LARGE1: variants seen among roughly 807,000 people sequenced by gnomAD.
The protein encoded by LARGE1 is xylosyl- and glucuronyltransferase LARGE1.
LARGE1 carries 43 observed loss-of-function variants against 87.6 expected under a neutral mutation model. The ratio of observed to expected loss-of-function variants is 0.49; its 90% CI spans 0.38 to 0.63. The LOEUF (loss-of-function observed/expected upper bound fraction) is 0.63. Among genes scored for constraint, LARGE1 ranks in the 30% least tolerant of loss-of-function variants. LARGE1 has a pLI of 0.00. For synonymous variants in LARGE1, 434 were observed against 394.6 expected, an observed-to-expected ratio of 1.10 and a Z score of -1.18; for missense variants, 802 against 1,000.2, an observed-to-expected ratio of 0.80 and a Z score of 2.67.
At chr22:33,736,745 C>T (rs1370949735) in intron 2 of LARGE1, among the ~76,000 whole-genome samples, 1 of 152,152 alleles carries the variant, frequency 6.6e-6, no homozygotes, top group Admixed American at 6.5e-5. Flanking sequence ...ATGTTTCCTT[C>T]TAAGAATCTC....
At chr22:33,342,723 C>A (rs117902709) in intron 9 of LARGE1, among the ~76,000 whole-genome samples, 3,412 of 152,262 alleles carry the variant, frequency 0.022, 54 homozygotes, top group Non-Finnish European at 0.033. Flanking sequence ...CAAGCCTCAT[C>A]CCGCTCTGCA....
the LARGE1 span, among the ~76,000 whole-genome samples, chr22:33,103,524 C>T: frequency 1.3e-5 from 2 of 148,812 alleles, no homozygotes; most frequent in African/African-American, 4.9e-5. Flanking sequence ...AAGTGTTTCT[C>T]AGGTTGGTCA....
intron 5 of LARGE1, among the ~76,000 whole-genome samples, chr22:33,591,655 G>A (rs1318029241): frequency 6.6e-6 from 1 of 151,700 alleles, no homozygotes; most frequent in African/African-American, 2.4e-5. Context: ...CCTCAACTTC[G>A]ATGAAGTCCA....
At chr22:33,429,188 CAT>C (rs1259934031) in intron 7 of LARGE1, among the ~76,000 whole-genome samples, 2 of 152,120 alleles carry the variant, frequency 1.3e-5, no homozygotes, top group Non-Finnish European at 2.9e-5. Context: ...TGAGAATCTA[CAT>C]GTCTGGATGA....
intron 1 of LARGE1, among the ~76,000 whole-genome samples, chr22:33,792,213 A>AATCC (rs1193856471): frequency 1.3e-5 from 2 of 152,320 alleles, no homozygotes; most frequent in Admixed American, 6.5e-5. Context: ...TAGTTCCCAT[A>AATCC]ATCCCCACAT....
At chr22:33,089,388 CTCT>C in the LARGE1 span, among the ~76,000 whole-genome samples, 985 of 66,326 alleles carry the variant, frequency 0.015, 14 homozygotes, top group Middle Eastern at 0.064. Flanking sequence ...CTTCTTCTTC[CTCT>C]TCTTCTTCTT....
At chr22:33,436,843 G>T (rs540549528) in intron 6 of LARGE1, among the ~76,000 whole-genome samples, 1 of 152,256 alleles carries the variant, frequency 6.6e-6, no homozygotes, top group African/African-American at 2.4e-5. Flanking sequence ...TACTTCTTGG[G>T]ATAGCTGAGC....
At chr22:33,888,521 T>C (rs1480925395) in intron 1 of LARGE1, among the ~76,000 whole-genome samples, 2 of 152,128 alleles carry the variant, frequency 1.3e-5, no homozygotes, top group African/African-American at 2.4e-5. Context: ...GTGGGTAACA[T>C]TTATGGAGCC....
chr22:33,188,865 T>C (rs1279740137), intron 11 of LARGE1, among the ~76,000 whole-genome samples: 3 of 151,950 alleles, frequency 2.0e-5, no homozygotes, highest in African/African-American at 7.3e-5. Context: ...TTGCAGGAGG[T>C]TGTGGGACAA....
At position 33,442,557 on chromosome 22, in the gene LARGE1, C is replaced by T. The variant is rs555535007; in HGVS notation, c.788-10292G>A. On this transcript the variant is annotated intron_variant, in intron 6 of 14. Transcript: ENST00000397394. ...TGTGGGAAGGGGGATTTCTGTACTG[C>T]GCAGAAGACTAGGTTTGAAGACCTC... Among the ~76,000 whole-genome samples the T allele has an allele frequency of 1.1e-4, 17 of 152,226 alleles. No individual in the cohort carries two copies. In the South Asian group the frequency reaches 2.5e-3, roughly 22 times the overall value.
At chr22:33,221,826 C>T (rs1183547736) in intron 11 of LARGE1, 1 of 152,236 alleles carries the variant, frequency 6.6e-6, no homozygotes, top group Non-Finnish European at 1.5e-5. Flanking sequence ...AGGAACCAGC[C>T]CCACCAATCA....
intron 10 of LARGE1, among the ~76,000 whole-genome samples, chr22:33,331,627 T>C (rs143079240): frequency 0.014 from 2,201 of 152,206 alleles, 54 homozygotes; most frequent in African/African-American, 0.05. Flanking sequence ...AGGCTGGTCT[T>C]GAACTCCTGA....
chr22:33,176,500 A>G (rs1286110325), intron 11 of LARGE1, among the ~76,000 whole-genome samples: 2 of 152,214 alleles, frequency 1.3e-5, no homozygotes, highest in Admixed American at 1.3e-4. Flanking sequence ...GGCAAAGGAT[A>G]TGAATAGAGA....
chr22:33,336,482 G>A (rs1938458853), intron 10 of LARGE1, among the ~76,000 whole-genome samples: 2 of 152,014 alleles, frequency 1.3e-5, no homozygotes, highest in Non-Finnish European at 1.5e-5. Context: ...TTACAGGTGT[G>A]AGCCACCGCG....
chr22:33,815,959 A>G (rs2086636738), intron 1 of LARGE1, among the ~76,000 whole-genome samples: 1 of 152,090 alleles, frequency 6.6e-6, no homozygotes, highest in Non-Finnish European at 1.5e-5. Flanking sequence ...ACTGTTCATC[A>G]CCTCCAAAAA....
chr22:33,681,486 T>C (rs958877813), intron 2 of LARGE1, among the ~76,000 whole-genome samples: 6 of 152,180 alleles, frequency 3.9e-5, no homozygotes, highest in African/African-American at 1.2e-4. Flanking sequence ...ACTAACAACA[T>C]CTACCTCATA....
chr22:33,438,322 G>A (rs2067346994), intron 6 of LARGE1, among the ~76,000 whole-genome samples: 2 of 152,130 alleles, frequency 1.3e-5, no homozygotes, highest in South Asian at 4.1e-4. Flanking sequence ...TCGTCTTCTT[G>A]GGAGTTATTG....
At chr22:33,819,554 C>A (rs1267295356) in intron 1 of LARGE1, among the ~76,000 whole-genome samples, 1 of 152,074 alleles carries the variant, frequency 6.6e-6, no homozygotes, top group Admixed American at 6.6e-5. Context: ...CTCCTTAGCA[C>A]CAGCTCCAGC....
At chr22:33,407,030 T>C (rs990152118) in intron 7 of LARGE1, among the ~76,000 whole-genome samples, 2 of 152,110 alleles carry the variant, frequency 1.3e-5, no homozygotes, top group Non-Finnish European at 2.9e-5. Context: ...TGACCTCAGG[T>C]GATCCACTCA....
Sources: gnomAD v4.1 joint callset for allele counts (sites outside exome capture counted in the v4.1 genomes callset) on GRCh38, gnomAD v4.1.1 for gene constraint, MANE v1.5 for transcripts, NCBI Gene and HGNC (gene_info 2026-07-23, HGNC 2026-07-21) for gene names.